THRB: variants seen among roughly 807,000 people sequenced by gnomAD.
THRB encodes the protein thyroid hormone receptor beta.
Under a neutral mutation model 47.8 loss-of-function variants are expected in THRB, and 12 were observed. The observed-to-expected ratio is 0.25, with a 90% CI of 0.16 to 0.41. The LOEUF is 0.41. THRB is among the 10% of genes least tolerant of loss of function. THRB has a pLI of 1.00. For missense variants in THRB, 348 were observed against 589.2 expected, an observed-to-expected ratio of 0.59 and a Z score of 4.24; for synonymous variants, 218 against 212.2, an observed-to-expected ratio of 1.03 and a Z score of -0.24.
At chr3:24,200,258 C>CA (rs2044436270) in intron 4 of THRB, among the ~76,000 whole-genome samples, 1 of 151,950 alleles carries the variant, frequency 6.6e-6, no homozygotes, top group Non-Finnish European at 1.5e-5. Context: ...CCACATTTTT[C>CA]AAAAAAACCC....
chr3:24,301,874 G>A (rs1366025453), intron 2 of THRB, among the ~76,000 whole-genome samples: 3 of 152,216 alleles, frequency 2.0e-5, no homozygotes, highest in Non-Finnish European at 2.9e-5. Flanking sequence ...TATGGAAGAA[G>A]GGTTGGAGAG....
intron 4 of THRB, among the ~76,000 whole-genome samples, chr3:24,216,804 T>C (rs2046612827): frequency 6.6e-6 from 1 of 152,194 alleles, no homozygotes; most frequent in African/African-American, 2.4e-5. Context: ...TTTATCCCAA[T>C]AATTTCTTAA....
intron 3 of THRB, among the ~76,000 whole-genome samples, chr3:24,280,161 G>A (rs931383097): frequency 7.2e-5 from 11 of 152,138 alleles, no homozygotes; most frequent in Non-Finnish European, 8.8e-5. Flanking sequence ...CCTGAGCGAC[G>A]CAGAAGATGG....
chr3:24,486,147 T>A (rs1288983239), intron 1 of THRB, among the ~76,000 whole-genome samples: 1 of 152,160 alleles, frequency 6.6e-6, no homozygotes, highest in Non-Finnish European at 1.5e-5. Context: ...GCTATTGGCA[T>A]CTAGTGGGTA....
intron 5 of THRB, 47 bp from the exon 6 acceptor site, chr3:24,152,537 G>A (rs144980755): frequency 3.8e-5 from 40 of 1,040,948 alleles, no homozygotes; most frequent in Admixed American, 1.4e-4. Context: ...ATATGTTAAC[G>A]TCAAAGAGAC....
chr3:24,467,673 G>C (rs910739157), intron 1 of THRB, among the ~76,000 whole-genome samples: 11 of 152,192 alleles, frequency 7.2e-5, no homozygotes, highest in Non-Finnish European at 1.5e-5. Context: ...AAAGGAATGT[G>C]TTTTTTCTGA....
At chr3:24,493,221 G>A (rs543306201) in intron 1 of THRB, among the ~76,000 whole-genome samples, 5 of 152,266 alleles carry the variant, frequency 3.3e-5, no homozygotes, top group African/African-American at 9.6e-5. Flanking sequence ...GACTGATTTC[G>A]GAATTAGAAA....
chr3:24,312,323 T>A (rs143134696), intron 2 of THRB, among the ~76,000 whole-genome samples: 1 of 152,354 alleles, frequency 6.6e-6, no homozygotes, highest in Non-Finnish European at 1.5e-5. Flanking sequence ...TCCTCATGTC[T>A]ATTTTCTTTT....
intron 5 of THRB, among the ~76,000 whole-genome samples, chr3:24,176,112 T>A (rs2041117537): frequency 6.6e-6 from 1 of 151,976 alleles, no homozygotes; most frequent in Admixed American, 6.5e-5. Flanking sequence ...ATTGTATATT[T>A]ATTATAGTCA....
intron 4 of THRB, among the ~76,000 whole-genome samples, chr3:24,220,952 A>C (rs2047098583): frequency 6.6e-6 from 1 of 152,202 alleles, no homozygotes; most frequent in Non-Finnish European, 1.5e-5. Context: ...CAGCCTGCTA[A>C]TGTGTGAACC....
chr3:24,266,442 T>C (rs1203564306), intron 3 of THRB, among the ~76,000 whole-genome samples: 1 of 151,698 alleles, frequency 6.6e-6, no homozygotes, highest in African/African-American at 2.4e-5. Context: ...TGGGAAGAAA[T>C]GATCTGAGGG....
At chr3:24,436,621 A>C (rs1654994811) in intron 1 of THRB, among the ~76,000 whole-genome samples, 1 of 152,204 alleles carries the variant, frequency 6.6e-6, no homozygotes, top group African/African-American at 2.4e-5. Context: ...TCAAGTTACC[A>C]GAACACATTC....
intron 5 of THRB, among the ~76,000 whole-genome samples, chr3:24,187,502 G>C (rs1231565691): frequency 6.6e-6 from 1 of 152,110 alleles, no homozygotes; most frequent in Admixed American, 6.6e-5. Flanking sequence ...TTTCTACATG[G>C]GGTCCTTGGA....
intron 3 of THRB, among the ~76,000 whole-genome samples, chr3:24,270,590 G>A (rs1385148479): frequency 1.3e-5 from 2 of 152,186 alleles, no homozygotes; most frequent in Admixed American, 1.3e-4. Flanking sequence ...AGCATTGTTG[G>A]CATCCATGCA....
intron 1 of THRB, among the ~76,000 whole-genome samples, chr3:24,469,565 A>G (rs2074402976): frequency 6.6e-6 from 1 of 152,234 alleles, no homozygotes; most frequent in Admixed American, 6.5e-5. Context: ...CATTCAACCT[A>G]CTTCTGAAGA....
At chr3:24,177,748 G>A (rs968728327) in intron 5 of THRB, among the ~76,000 whole-genome samples, 2 of 152,162 alleles carry the variant, frequency 1.3e-5, no homozygotes, top group Non-Finnish European at 2.9e-5. Flanking sequence ...TCCAAATCCA[G>A]AAATGGCAAA....
In THRB at chr3:24,240,812, T is replaced by C. The variant is rs146623543; in HGVS notation, c.-42-11811A>G. Among the ~76,000 whole-genome samples, 176 of 151,032 alleles carry C rather than the reference T, an allele frequency of 1.2e-3. 1 individual carries two copies. The highest frequency in any genetic ancestry group is 4.3e-3 in the African/African-American group (172 of 40,404). On this transcript the variant is annotated intron_variant, in intron 3 of 10. Transcript: ENST00000646209. ...AACAAGTTCCTAGGTGATCTGGATA[T>C]ACTTTCCAGGGCCCACATGTTGAGA...
intron 5 of THRB, among the ~76,000 whole-genome samples, chr3:24,155,534 G>C (rs2149149158): frequency 6.6e-6 from 1 of 152,198 alleles, no homozygotes; most frequent in East Asian, 1.9e-4. Context: ...ATAGTGACTA[G>C]GTAGGTGAGG....
At chr3:24,355,125 T>C (rs2063590885) in intron 1 of THRB, among the ~76,000 whole-genome samples, 1 of 152,026 alleles carries the variant, frequency 6.6e-6, no homozygotes, top group Non-Finnish European at 1.5e-5. Flanking sequence ...TCCTCAATAA[T>C]GGAGTAAAGT....
Sources: allele counts gnomAD v4.1 joint callset (sites outside exome capture counted in the v4.1 genomes callset), GRCh38; gene constraint gnomAD v4.1.1; transcripts MANE v1.5; gene names NCBI Gene and HGNC (gene_info 2026-07-23, HGNC 2026-07-21).